Variants in ERAP1 observed in about 807,000 individuals in gnomAD.
The protein encoded by ERAP1 is endoplasmic reticulum aminopeptidase 1.
ERAP1 carries 86 observed loss-of-function variants against 103.7 expected under a neutral mutation model. The ratio of observed to expected loss-of-function variants is 0.83; its 90% CI spans 0.70 to 0.99. The LOEUF is 0.99. Ranked by LOEUF, ERAP1 falls within the 50% of genes least tolerant of loss-of-function variation. The pLI is 0.00. For missense variants in ERAP1, 1,009 were observed against 1,128.4 expected (o/e 0.89, Z 1.52); for synonymous variants, 398 against 402.4 (o/e 0.99, Z 0.13).
the ERAP1 span, among the ~76,000 whole-genome samples, chr5:96,890,519 T>C: frequency 2.6e-5 from 4 of 152,192 alleles, no homozygotes; most frequent in Non-Finnish European, 4.4e-5. Context: ...TTGTAGAGCA[T>C]ATAAAAACTG....
At chr5:96,789,885 A>G (rs892573517) in intron 10 of ERAP1, among the ~76,000 whole-genome samples, 5 of 152,254 alleles carry the variant, frequency 3.3e-5, no homozygotes, top group African/African-American at 1.2e-4. Flanking sequence ...GATAATACAT[A>G]TAAGTGCTTA....
the ERAP1 span, chr5:96,918,795 C>T: frequency 6.6e-5 from 10 of 152,194 alleles, no homozygotes; most frequent in East Asian, 1.9e-4. Flanking sequence ...TGTGTATTTT[C>T]GGTTAAATGA....
At chr5:96,855,699 T>C in the ERAP1 span, among the ~76,000 whole-genome samples, 2 of 151,786 alleles carry the variant, frequency 1.3e-5, no homozygotes, top group Non-Finnish European at 2.9e-5. Context: ...TTGGATCATT[T>C]CCACTTCTCT....
At chr5:96,886,692 A>C in the ERAP1 span, 1 of 1,553,622 alleles carries the variant, frequency 6.4e-7, no homozygotes. Context: ...CTTTTGGAAG[A>C]TCACTTTGAA....
rs1003484023 is a variant in ERAP1, at chr5:96,800,039, G to A, written c.663+823C>T. 6.6e-5 allele frequency among the ~76,000 whole-genome samples: 10 copies of A among 152,318 alleles called. No homozygotes were observed. The East Asian group carries it at 1.9e-3, about 29-fold the overall frequency. Reference sequence around the variant, plus strand: ...CTTCCCCGGTCAGCACAGGGACAAAGCTGTTCTTCCCTCAGGACTCTAGGC... The same window carrying A: ...CTTCCCCGGTCAGCACAGGGACAAAACTGTTCTTCCCTCAGGACTCTAGGC... On this transcript the variant is annotated intron_variant, in intron 3 of 18. Coordinates refer to ENST00000443439, the MANE Select transcript of ERAP1 (RefSeq NM_001040458.3).
intron 2 of ERAP1, among the ~76,000 whole-genome samples, chr5:96,802,102 G>T (rs1778077019): frequency 6.6e-6 from 1 of 151,892 alleles, no homozygotes; most frequent in Non-Finnish European, 1.5e-5. Flanking sequence ...AAATGACAAA[G>T]TTTATCAAAA....
At position 96,790,378 on chromosome 5, in the gene ERAP1, A is replaced by G; in HGVS notation, c.1453-11T>C. ...ATCTGTAGGGCAAATCTAAAAACCAAAAATAAACACATCACTCTTATTTCT... is the reference window on the plus strand; with the variant it reads ...ATCTGTAGGGCAAATCTAAAAACCAGAAATAAACACATCACTCTTATTTCT... On this transcript the variant is annotated splice_polypyrimidine_tract_variant and intron_variant, in intron 9 of 18. Coordinates refer to ENST00000443439, the MANE Select transcript of ERAP1 (RefSeq NM_001040458.3). 6.2e-7 allele frequency: 1 copy of G among 1,613,806 alleles called. No homozygotes were observed. Among genetic ancestry groups the G allele is most frequent in the Non-Finnish European group, 8.5e-7 (1 of 1,179,774 alleles).
At chr5:96,797,387 G>A in intron 3 of ERAP1, 78 bp from the exon 4 acceptor site, 1 of 1,481,420 alleles carries the variant, frequency 6.8e-7, no homozygotes, top group Non-Finnish European at 9.4e-7. Flanking sequence ...CTAATTATCA[G>A]ACATAATATT....
chr5:96,777,194 T>C (rs1774456694), intron 18 of ERAP1, among the ~76,000 whole-genome samples: 1 of 152,238 alleles, frequency 6.6e-6, no homozygotes, highest in Non-Finnish European at 1.5e-5. Flanking sequence ...GTTTCATTTG[T>C]GGGTATCTTA....
chr5:96,841,679 C>T, the ERAP1 span, among the ~76,000 whole-genome samples: 1 of 151,430 alleles, frequency 6.6e-6, no homozygotes, highest in East Asian at 1.9e-4. Flanking sequence ...AAAACAATAG[C>T]CAAGGAAGTT....
chr5:96,875,689 G>C, the ERAP1 span, among the ~76,000 whole-genome samples: 2 of 152,184 alleles, frequency 1.3e-5, no homozygotes, highest in Admixed American at 1.3e-4. Flanking sequence ...TCTGGGGAAA[G>C]AAAACACTAT....
chr5:96,825,449 G>A, the ERAP1 span, among the ~76,000 whole-genome samples: 1 of 152,184 alleles, frequency 6.6e-6, no homozygotes, highest in African/African-American at 2.4e-5. Context: ...AGAAGAATGT[G>A]TATTTTGCTG....
the ERAP1 span, among the ~76,000 whole-genome samples, chr5:96,879,120 G>A: frequency 6.6e-6 from 1 of 152,294 alleles, no homozygotes; most frequent in Admixed American, 6.5e-5. Context: ...TCTGGAGGCT[G>A]AGGTGGGAGG....
chr5:96,926,697 A>G, the ERAP1 span, among the ~76,000 whole-genome samples: 10,724 of 152,312 alleles, frequency 0.07, 452 homozygotes, highest in Middle Eastern at 0.15. Flanking sequence ...ATATTCTATT[A>G]TACATATAAA....
chr5:96,762,435 AG>A, exon 20 of ERAP1: 1 of 1,215,734 alleles, frequency 8.2e-7, no homozygotes, highest in Non-Finnish European at 1.2e-6. Flanking sequence ...GAAAGAAAAT[AG>A]GGCGCCTGTT....
chr5:96,824,955 G>C, the ERAP1 span, among the ~76,000 whole-genome samples: 2 of 152,152 alleles, frequency 1.3e-5, no homozygotes, highest in Non-Finnish European at 2.9e-5. Flanking sequence ...TGGGACGATC[G>C]ATTGAGCCTG....
the ERAP1 span, chr5:96,873,211 G>A: frequency 1.3e-5 from 5 of 380,522 alleles, no homozygotes; most frequent in African/African-American, 4.3e-5. Context: ...ATGAAAATTC[G>A]TGAAATCTTT....
chr5:96,787,351 C>G (rs573036586), intron 11 of ERAP1, among the ~76,000 whole-genome samples: 1 of 152,034 alleles, frequency 6.6e-6, no homozygotes, highest in Non-Finnish European at 1.5e-5. Context: ...CTGCAACCTC[C>G]ACCTCCTGGG....
At chr5:96,776,579 A>C in intron 18 of ERAP1, 28 bp from the exon 19 acceptor site, 3 of 1,610,232 alleles carry the variant, frequency 1.9e-6, no homozygotes, top group Non-Finnish European at 2.5e-6. Context: ...GGTTTTAAAA[A>C]ATTAATTTTA....
Sources: gnomAD v4.1 joint callset for allele counts (sites outside exome capture counted in the v4.1 genomes callset) on GRCh38, gnomAD v4.1.1 for gene constraint, MANE v1.5 for transcripts, NCBI Gene and HGNC (gene_info 2026-07-23, HGNC 2026-07-21) for gene names.